The following BICRA variants were observed in gnomAD, a reference collection of about 807,000 sequenced individuals.
BICRA encodes BRD4-interacting chromatin-remodeling complex-associated protein.
In BICRA, 31 loss-of-function variants were observed where a neutral mutation model predicts 96.9. That is an observed-to-expected ratio of 0.32 (90% CI 0.24 to 0.43). The LOEUF (loss-of-function observed/expected upper bound fraction) is 0.43, where lower values mean the gene tolerates loss of function less well. Among genes scored for constraint, BICRA ranks in the 20% least tolerant of loss-of-function variants. The pLI, the probability that BICRA is intolerant of heterozygous loss-of-function variation, is 1.00. For synonymous variants in BICRA, 1,350 were observed against 1,071.8 expected, an observed-to-expected ratio of 1.26 and a Z score of -5.07; for missense variants, 2,283 against 2,190.3, an observed-to-expected ratio of 1.04 and a Z score of -0.84.
At chr19:47,631,448 G>A (rs369538732) in intron 1 of BICRA, among the ~76,000 whole-genome samples, 2 of 151,674 alleles carry the variant, frequency 1.3e-5, no homozygotes, top group African/African-American at 4.9e-5. Flanking sequence ...GGCTGGTCTC[G>A]AACTCCTGAC....
intron 1 of BICRA, among the ~76,000 whole-genome samples, chr19:47,619,346 C>A (rs1972031503): frequency 6.6e-6 from 1 of 151,822 alleles, no homozygotes; most frequent in Non-Finnish European, 1.5e-5. Flanking sequence ...CAACCTCCGC[C>A]TCCCGGGTTC....
chr19:47,694,149 C>T lies in BICRA; in HGVS notation c.2318C>T (p.Pro773Leu). The change falls in exon 8 of 15, where the codon CCC becomes CTC. Residue 773 changes from proline to leucine, a missense_variant. Physicochemically the swap from Pro to Leu is moderately conservative, Grantham distance 98. Transcript: ENST00000594866. ...GCGGCTCCGCTGAAGGGCCCAGGCC[C>T]CTCTTCGTCCCCGTCACTACCTCAC... ...PAAAPLKGPG[P>L]SSSPSLPHQA... 3 of 1,522,986 alleles carry T rather than the reference C, an allele frequency of 2.0e-6. No homozygotes were observed. In the South Asian group the frequency reaches 3.6e-5, roughly 19 times the overall value. The allele number at this position is 1,522,986 out of a possible 1,614,324, so 94.3% of individuals were successfully genotyped here. A position where few individuals can be genotyped will look rare whatever the true frequency, so the allele number is the denominator to read the frequency against.
intron 5 of BICRA, among the ~76,000 whole-genome samples, chr19:47,676,643 G>T (rs1384139803): frequency 7.1e-6 from 1 of 141,140 alleles, no homozygotes; most frequent in Non-Finnish European, 1.5e-5. Context: ...ATCAGAACAC[G>T]CATTCACCAA....
At chr19:47,612,620 G>T (rs1037526414) in intron 1 of BICRA, among the ~76,000 whole-genome samples, 1 of 151,800 alleles carries the variant, frequency 6.6e-6, no homozygotes, top group Non-Finnish European at 1.5e-5. Context: ...GTAGGGGCTG[G>T]GGGGCTGAGG....
intron 9 of BICRA, 23 bp from the exon 10 acceptor site, chr19:47,695,342 T>TCCCTGCCCCCCCCCCCCCCCC: frequency 1.6e-6 from 1 of 630,200 alleles, no homozygotes; most frequent in Non-Finnish European, 2.8e-6. Flanking sequence ...AGGCCCTGTC[T>TCCCTGCCCCCCCCCCCCCCCC]CCCCCACCCC....
upstream of BICRA, chr19:47,608,451 C>T (rs1348275879): frequency 6.6e-6 from 1 of 152,246 alleles, no homozygotes; most frequent in African/African-American, 2.4e-5. Context: ...TCTTTTCGGA[C>T]CTGCGGCGCT....
intron 7 of BICRA, among the ~76,000 whole-genome samples, chr19:47,687,800 C>T (rs1292363548): frequency 1.5e-5 from 2 of 131,078 alleles, no homozygotes; most frequent in African/African-American, 5.8e-5. Flanking sequence ...CTAGCCTAGG[C>T]AGCAGAGTGA....
At position 47,667,783 on chromosome 19, in the gene BICRA, C is replaced by G. The variant is rs573386142; in HGVS notation, c.-107-2660C>G. Among the ~76,000 whole-genome samples the G allele has an allele frequency of 1.1e-3, 162 of 152,314 alleles. No individual in the cohort carries two copies. In the Middle Eastern group the frequency reaches 0.017, roughly 16 times the overall value. ...ATCCCAGGCATTCATAAAATGATAA[C>G]AGAGACGCACACCCCCATCACCCAG... is the stretch of plus-strand genomic sequence containing the variant. On this transcript the variant is annotated intron_variant, in intron 1 of 14. Transcript: ENST00000594866.
intron 1 of BICRA, among the ~76,000 whole-genome samples, chr19:47,647,240 C>T (rs1439760046): frequency 8.6e-5 from 13 of 151,922 alleles, no homozygotes; most frequent in South Asian, 2.1e-4. Flanking sequence ...TGAATGATGC[C>T]GTATGAATGT....
intron 1 of BICRA, among the ~76,000 whole-genome samples, chr19:47,637,721 G>A (rs913435894): frequency 2.0e-5 from 3 of 152,088 alleles, no homozygotes; most frequent in Non-Finnish European, 4.4e-5. Context: ...CCCAGCCCCA[G>A]CAGCCTTTAT....
chr19:47,666,531 C>T (rs1343174896), intron 1 of BICRA, among the ~76,000 whole-genome samples: 3 of 152,082 alleles, frequency 2.0e-5, no homozygotes, highest in Non-Finnish European at 2.9e-5. Context: ...CCCACCCCGC[C>T]CTCCCAAAGT....
In BICRA at chr19:47,698,970, G is replaced by A. The variant is rs1291132439; in HGVS notation, c.3403G>A (p.Glu1135Lys). Residue 1135 changes from glutamate to lysine, a missense_variant, in exon 13 of 15, where the codon GAG becomes AAG. Coordinates refer to ENST00000594866, the MANE Select transcript of BICRA (RefSeq NM_001394372.1). This position sits in a 1 kb window ranked among gnomAD's most constrained non-coding sequence, Gnocchi z 4.8. ...PSPSDYHKVDEEFETVSTQLL... is the reference protein window; with the variant it reads ...PSPSDYHKVDKEFETVSTQLL... ...CTCTCTTCCCTTCCTCGCAGTGGAC[G>A]AGGAGTTTGAGACGGTCTCCACGCA... 1 of 1,579,954 alleles carries A rather than the reference G, an allele frequency of 6.3e-7. No individual in the cohort carries two copies. The highest frequency in any genetic ancestry group is 8.6e-7 in the Non-Finnish European group (1 of 1,163,062).
intron 1 of BICRA, among the ~76,000 whole-genome samples, chr19:47,610,809 A>C (rs1044758826): frequency 6.6e-6 from 1 of 151,992 alleles, no homozygotes; most frequent in African/African-American, 2.4e-5. Flanking sequence ...GGGTATTGTC[A>C]ACTCTGACCT....
intron 5 of BICRA, among the ~76,000 whole-genome samples, chr19:47,677,917 G>A (rs529514897): frequency 6.0e-4 from 92 of 152,236 alleles, no homozygotes; most frequent in Middle Eastern, 3.4e-3. Context: ...CTTGCCTTTC[G>A]GCGGCCAAAC....
chr19:47,611,875 T>C (rs1051132780), intron 1 of BICRA, among the ~76,000 whole-genome samples: 2 of 148,074 alleles, frequency 1.4e-5, no homozygotes, highest in African/African-American at 4.9e-5. Flanking sequence ...GGCATTTAAT[T>C]TTTTTTTTTT....
chr19:47,617,960 AG>A (rs1473046519), intron 1 of BICRA, among the ~76,000 whole-genome samples: 1 of 152,196 alleles, frequency 6.6e-6, no homozygotes, highest in Non-Finnish European at 1.5e-5. Context: ...CTATGAAGAA[AG>A]TGGCATTAGG....
intron 1 of BICRA, among the ~76,000 whole-genome samples, chr19:47,620,636 C>T (rs1232623386): frequency 8.6e-6 from 1 of 116,400 alleles, no homozygotes; most frequent in Non-Finnish European, 1.6e-5. Context: ...TACCACTGCA[C>T]TTTAGCTTGG....
In BICRA at chr19:47,619,252, T is replaced by C. The variant is rs115975779; in HGVS notation, c.-108+10084T>C. Among the ~76,000 whole-genome samples the C allele has an allele frequency of 6.4e-3, 974 of 151,198 alleles. 12 individuals are homozygous for C. The highest frequency in any genetic ancestry group is 0.023 in the African/African-American group (927 of 41,156). On this transcript the variant is annotated intron_variant, in intron 1 of 14. Transcript: ENST00000594866. ...CAACCCCTTTTTTTTTTCCTTTTTTTTGTGTGTGTGTGTTTGAGATGGGGT... is the reference window on the plus strand; with the variant it reads ...CAACCCCTTTTTTTTTTCCTTTTTTCTGTGTGTGTGTGTTTGAGATGGGGT...
intron 1 of BICRA, among the ~76,000 whole-genome samples, chr19:47,619,756 G>A (rs1327702170): frequency 6.6e-6 from 1 of 152,206 alleles, no homozygotes; most frequent in Non-Finnish European, 1.5e-5. Flanking sequence ...AAAGACCTTA[G>A]CCAGTTGTGG....
Sources: allele counts gnomAD v4.1 joint callset (sites outside exome capture counted in the v4.1 genomes callset), GRCh38; gene constraint gnomAD v4.1.1; non-coding constraint Gnocchi (gnomAD v3.1); transcripts MANE v1.5; gene names NCBI Gene and HGNC (gene_info 2026-07-23, HGNC 2026-07-21).